Variants in HDAC9 observed in about 807,000 individuals in gnomAD.
The protein encoded by HDAC9 is MEF-2 interacting transcription repressor (MITR) protein.
A neutral mutation model predicts 139.4 loss-of-function variants in HDAC9; 41 were observed. That is an observed-to-expected ratio of 0.29 (90% CI 0.23 to 0.38). The LOEUF (loss-of-function observed/expected upper bound fraction) is 0.38, where lower values mean the gene tolerates loss of function less well. HDAC9 is among the 10% of genes least tolerant of loss of function. HDAC9 has a pLI of 1.00. For synonymous variants in HDAC9, 517 were observed against 476.2 expected, an observed-to-expected ratio of 1.09 and a Z score of -1.12; for missense variants, 1,147 against 1,297.0, an observed-to-expected ratio of 0.88 and a Z score of 1.78.
intron 1 of HDAC9, among the ~76,000 whole-genome samples, chr7:18,371,919 G>A (rs1174619554): frequency 6.6e-6 from 1 of 152,068 alleles, no homozygotes; most frequent in Non-Finnish European, 1.5e-5. Flanking sequence ...TGGAAGTTTT[G>A]GTGCTCTTAA....
At chr7:18,378,859 G>T (rs1785204369) in intron 1 of HDAC9, among the ~76,000 whole-genome samples, 1 of 152,008 alleles carries the variant, frequency 6.6e-6, no homozygotes, top group African/African-American at 2.4e-5. Context: ...AATGACATCT[G>T]TATTGTTTTT....
rs58624536 is a variant in HDAC9 at position 18,120,434 on chromosome 7, C to T, written c.-97+33221C>T. Among the ~76,000 whole-genome samples the T allele has an allele frequency of 2.6e-3, 392 of 152,302 alleles. 2 individuals are homozygous for T. The highest frequency in any genetic ancestry group is 8.4e-3 in the African/African-American group (351 of 41,570). On this transcript the variant is annotated intron_variant, in intron 1 of 12. Transcript: ENST00000417496. ...TCAATGTCAAGCCATTCATTAGAGA[C>T]GGAGCCAGCATTCCATTCCAGTCTG...
intron 6 of HDAC9, 121 bp downstream of exon 6, chr7:18,594,150 CT>C: frequency 1.1e-6 from 1 of 902,446 alleles, no homozygotes; most frequent in Non-Finnish European, 1.7e-6. Flanking sequence ...CTCCCCACCC[CT>C]GCCCCCAGCA....
Position 18,732,918 on chromosome 7 carries a change from T to TAC in HDAC9, c.1909+5166_1909+5167dup, listed in dbSNP as rs1208699405. Among the ~76,000 whole-genome samples, 501 of 86,866 alleles carry TAC rather than the reference T, an allele frequency of 5.8e-3. 77 individuals carry two copies. Among genetic ancestry groups the TAC allele is most frequent in the Non-Finnish European group, 8.8e-3 (355 of 40,448 alleles). The allele number at this position is 86,866 out of a possible 152,430, so 57.0% of individuals were successfully genotyped here. A position where few individuals can be genotyped will look rare whatever the true frequency, so the allele number is the denominator to read the frequency against. On this transcript the variant is annotated intron_variant, in intron 13 of 25. Coordinates refer to ENST00000686413, the MANE Select transcript of HDAC9 (RefSeq NM_178425.4). The stretch of plus-strand genomic sequence containing the variant: ...ACACACACACGTGTGCGTATGTGTA[T>TAC]ACACACGTGTGTATGTATGTGTATA...
At chr7:18,860,602 A>C (rs1220012431) in intron 21 of HDAC9, among the ~76,000 whole-genome samples, 2 of 152,198 alleles carry the variant, frequency 1.3e-5, no homozygotes, top group Non-Finnish European at 2.9e-5. Context: ...TCAATGTCTT[A>C]AACTCTTTTC....
chr7:18,593,920 C>T lies in HDAC9; in HGVS notation c.555C>T (p.His185=). Residue 185 remains histidine, a synonymous_variant, in exon 6 of 26, where the codon CAC becomes CAT. Coordinates refer to ENST00000686413, the MANE Select transcript of HDAC9 (RefSeq NM_178425.4). ...TTGTCTTTTCTAGGGCTGCCCACCACACATCATTGGATCAAAGCTCTCCAC... is the reference window on the plus strand; with the variant it reads ...TTGTCTTTTCTAGGGCTGCCCACCATACATCATTGGATCAAAGCTCTCCAC... ...HPKLWYTAAH[H]TSLDQSSPPL... 1 of 1,612,852 alleles carries T rather than the reference C, an allele frequency of 6.2e-7. No individual in the cohort carries two copies. Among genetic ancestry groups the T allele is most frequent in the Non-Finnish European group, 8.5e-7 (1 of 1,179,026 alleles).
chr7:18,622,469 C>T (rs13225057), intron 6 of HDAC9, among the ~76,000 whole-genome samples: 1 of 151,970 alleles, frequency 6.6e-6, no homozygotes, highest in Non-Finnish European at 1.5e-5. Context: ...ATTACAGGGA[C>T]GTGCCACCAC....
chr7:18,716,182 A>G (rs189259875), intron 12 of HDAC9, among the ~76,000 whole-genome samples: 19 of 152,250 alleles, frequency 1.2e-4, no homozygotes, highest in Admixed American at 1.2e-3. Flanking sequence ...TGTACTGTCC[A>G]TTGGCTGCCA....
chr7:18,824,084 G>GAACAAGAAC (rs1437608130), intron 17 of HDAC9, among the ~76,000 whole-genome samples: 2 of 144,268 alleles, frequency 1.4e-5, no homozygotes, highest in African/African-American at 5.6e-5. Context: ...AGAAGAAGAA[G>GAACAAGAAC]AAGAACAAGA....
intron 2 of HDAC9, among the ~76,000 whole-genome samples, chr7:18,210,690 G>A (rs964588501): frequency 2.6e-5 from 4 of 152,158 alleles, no homozygotes; most frequent in African/African-American, 9.7e-5. Context: ...TCAGTTCAAG[G>A]TAGGATATTA....
intron 2 of HDAC9, among the ~76,000 whole-genome samples, chr7:18,542,849 A>G (rs1184633112): frequency 1.3e-5 from 2 of 152,162 alleles, no homozygotes; most frequent in Non-Finnish European, 2.9e-5. Flanking sequence ...AGTGTGTAAT[A>G]TGTTAAAAAT....
chr7:18,178,640 T>C (rs945148150), intron 2 of HDAC9, among the ~76,000 whole-genome samples: 2 of 152,222 alleles, frequency 1.3e-5, no homozygotes, highest in Admixed American at 6.5e-5. Context: ...TGGTTAAGAA[T>C]AGTGGAAAGA....
chr7:18,703,271 A>G lies in HDAC9; in HGVS notation c.1732-24309A>G, dbSNP rs532574936. On this transcript the variant is annotated intron_variant, in intron 12 of 25. Transcript: ENST00000686413. ...ACAGGTGCTCAAAGGAAACAAAAAA[A>G]TTAATGATATTATGGTATTTTGTAA... is the stretch of plus-strand genomic sequence containing the variant. Among the ~76,000 whole-genome samples the G allele has an allele frequency of 6.5e-4, 99 of 152,314 alleles. 1 individual carries two copies. Among genetic ancestry groups the G allele is most frequent in the Admixed American group, 4.2e-3 (65 of 15,302 alleles).
intron 12 of HDAC9, among the ~76,000 whole-genome samples, chr7:18,697,446 C>G (rs1783135829): frequency 6.6e-6 from 1 of 152,042 alleles, no homozygotes; most frequent in Non-Finnish European, 1.5e-5. Flanking sequence ...CATGTTTTTT[C>G]CCTAGTCTCA....
intron 2 of HDAC9, among the ~76,000 whole-genome samples, chr7:18,275,370 C>T (rs11981944): frequency 6.6e-6 from 1 of 152,238 alleles, no homozygotes; most frequent in African/African-American, 2.4e-5. Flanking sequence ...GCTTTCACCC[C>T]AGAAACTCTT....
At chr7:18,639,995 G>GTA (rs1320737482) in intron 8 of HDAC9, among the ~76,000 whole-genome samples, 4 of 151,868 alleles carry the variant, frequency 2.6e-5, no homozygotes, top group African/African-American at 9.7e-5. Context: ...AATTCTGTGT[G>GTA]TATATATATA....
At chr7:18,309,036 T>C (rs1799118732) in intron 1 of HDAC9, among the ~76,000 whole-genome samples, 1 of 152,142 alleles carries the variant, frequency 6.6e-6, no homozygotes. Context: ...TATCTGCTTG[T>C]GTTTGTGGAG....
chr7:18,792,590 C>T (rs1019696644), intron 16 of HDAC9, among the ~76,000 whole-genome samples: 54 of 152,154 alleles, frequency 3.5e-4, no homozygotes, highest in African/African-American at 1.2e-3. Context: ...TTGGTACATG[C>T]TTTGTTTTGA....
chr7:18,372,937 A>G (rs1339361838), intron 1 of HDAC9, among the ~76,000 whole-genome samples: 1 of 152,208 alleles, frequency 6.6e-6, no homozygotes, highest in Non-Finnish European at 1.5e-5. Context: ...TTGCATGTTT[A>G]GTCATTTGTC....
Sources: allele counts gnomAD v4.1 joint callset (sites outside exome capture counted in the v4.1 genomes callset), GRCh38; gene constraint gnomAD v4.1.1; transcripts MANE v1.5; gene names NCBI Gene and HGNC (gene_info 2026-07-23, HGNC 2026-07-21).